The following ZBTB49 variants were observed in gnomAD, a reference collection of about 807,000 sequenced individuals.
ZBTB49 encodes the protein zinc finger and BTB domain-containing protein 49.
Under a neutral mutation model 57.5 loss-of-function variants are expected in ZBTB49, and 43 were observed. The ratio of observed to expected loss-of-function variants is 0.75; its 90% CI spans 0.59 to 0.97. The LOEUF (loss-of-function observed/expected upper bound fraction) is 0.97. Among genes scored for constraint, ZBTB49 ranks in the 50% least tolerant of loss-of-function variants. The probability of loss-of-function intolerance (pLI) is 0.00; values close to 1 mark genes in which losing one functional copy is unlikely to be tolerated. For synonymous variants in ZBTB49, 369 were observed against 362.1 expected (o/e 1.02, Z -0.22); for missense variants, 938 against 947.7 (o/e 0.99, Z 0.13).
At chr4:4,296,507 T>C (rs968075052) in intron 1 of ZBTB49, among the ~76,000 whole-genome samples, 17 of 152,224 alleles carry the variant, frequency 1.1e-4, no homozygotes, top group Admixed American at 1.1e-3. Flanking sequence ...CTGCCATCCA[T>C]GTAGGACATG....
In ZBTB49 at chr4:4,321,422, G is replaced by C; in HGVS notation, c.*106G>C. Reference sequence around the variant, plus strand: ...CATGACAGTGCCTTCTAACTAGCCAGAGAATAGGTAGCTTCCCTCCTGATG... The same window carrying C: ...CATGACAGTGCCTTCTAACTAGCCACAGAATAGGTAGCTTCCCTCCTGATG... On this transcript the variant is annotated 3_prime_UTR_variant, in exon 8 of 8. Coordinates refer to ENST00000337872, the MANE Select transcript of ZBTB49 (RefSeq NM_145291.4). The C allele has an allele frequency of 8.5e-7, 1 of 1,171,152 alleles. No homozygotes were observed. The highest frequency in any genetic ancestry group is 1.2e-6 in the Non-Finnish European group (1 of 828,188). The allele number at this position is 1,171,152 out of a possible 1,614,324, so 72.5% of individuals were successfully genotyped here. A position where few individuals can be genotyped will look rare whatever the true frequency, so the allele number is the denominator to read the frequency against.
rs1055848802 is a variant in ZBTB49, at chr4:4,302,970, C to G, written c.1134C>G (p.Asp378Glu). 5 of 1,614,070 alleles carry G rather than the reference C, an allele frequency of 3.1e-6. No homozygotes were observed. The African/African-American group carries it at 5.3e-5, about 17-fold the overall frequency. Residue 378 changes from aspartate (D) to glutamate (E), a missense_variant, in exon 3 of 8, where the codon GAC becomes GAG. Asp to Glu is a conservative substitution (Grantham distance 45). Coordinates refer to ENST00000337872, the MANE Select transcript of ZBTB49 (RefSeq NM_145291.4). ...TTAGTGAGACGGAGAGGCCTGAAGACCCGGCTGCCCTGGAAGACCAGTCCC... is the reference window on the plus strand; with the variant it reads ...TTAGTGAGACGGAGAGGCCTGAAGAGCCGGCTGCCCTGGAAGACCAGTCCC... ...NCISETERPE[D>E]PAALEDQSQT...
chr4:4,317,166 T>C (rs1394914226), intron 7 of ZBTB49, among the ~76,000 whole-genome samples: 1 of 150,884 alleles, frequency 6.6e-6, no homozygotes, highest in African/African-American at 2.5e-5. Context: ...GACCCTGCAG[T>C]GGAGGAAGTG....
At chr4:4,318,544 G>T (rs907032992) in intron 7 of ZBTB49, among the ~76,000 whole-genome samples, 4 of 152,154 alleles carry the variant, frequency 2.6e-5, no homozygotes, top group Middle Eastern at 3.2e-3. Flanking sequence ...GGAGACGGAG[G>T]TTGCAGTGAG....
chr4:4,293,447 C>T (rs1214639300), intron 1 of ZBTB49, among the ~76,000 whole-genome samples: 4 of 152,194 alleles, frequency 2.6e-5, no homozygotes, highest in South Asian at 2.1e-4. Flanking sequence ...GTTATGAATG[C>T]GGCTTTGGTG....
At chr4:4,306,270 G>GT in intron 4 of ZBTB49, 86 bp downstream of exon 4, 1 of 1,145,100 alleles carries the variant, frequency 8.7e-7, no homozygotes, top group Non-Finnish European at 1.3e-6. Context: ...TTTTGTACTT[G>GT]TGAGAGAAGC....
At chr4:4,307,019 C>T (rs535274483) in intron 4 of ZBTB49, among the ~76,000 whole-genome samples, 1 of 152,368 alleles carries the variant, frequency 6.6e-6, no homozygotes, top group Admixed American at 6.5e-5. Context: ...TCGCATTCCC[C>T]CTAGAGCAGA....
chr4:4,307,474 T>G (rs974011240), intron 4 of ZBTB49, among the ~76,000 whole-genome samples: 9 of 152,224 alleles, frequency 5.9e-5, no homozygotes, highest in Non-Finnish European at 7.3e-5. Context: ...CCCTTCAGTT[T>G]CCTTATCTGT....
chr4:4,292,105 C>T (rs1719968241), intron 1 of ZBTB49, among the ~76,000 whole-genome samples: 1 of 151,720 alleles, frequency 6.6e-6, no homozygotes, highest in African/African-American at 2.4e-5. Flanking sequence ...AGACCCCCAC[C>T]CCTCGTCCTT....
intron 4 of ZBTB49, among the ~76,000 whole-genome samples, chr4:4,308,411 G>C (rs996556209): frequency 1.3e-5 from 2 of 152,106 alleles, no homozygotes; most frequent in Non-Finnish European, 2.9e-5. Context: ...AGCAATTTTG[G>C]TGTGCAGCCA....
Position 4,299,925 on chromosome 4 carries a change from A to G in ZBTB49, c.-19-2A>G. 1.2e-6 allele frequency: 2 copies of G among 1,612,000 alleles called. No homozygotes were observed. Among genetic ancestry groups the G allele is most frequent in the African/African-American group, 1.3e-5 (1 of 74,916 alleles). On this transcript the variant is annotated splice_acceptor_variant, in intron 1 of 7. Coordinates refer to ENST00000337872, the MANE Select transcript of ZBTB49 (RefSeq NM_145291.4). LOFTEE classifies it low-confidence loss of function (5UTR_SPLICE). Reference sequence around the variant, plus strand: ...TGTCGTATCTGTGATTTTTTGCTGTAGGTCACCTGAATGGTTGAGCATGGA... The same window carrying G: ...TGTCGTATCTGTGATTTTTTGCTGTGGGTCACCTGAATGGTTGAGCATGGA...
chr4:4,313,013 G>T (rs778113639), intron 4 of ZBTB49, 28 bp from the exon 5 acceptor site: 1 of 1,612,032 alleles, frequency 6.2e-7, no homozygotes, highest in Non-Finnish European at 8.5e-7. Flanking sequence ...TTCATTATTG[G>T]TGTGTTTTTC....
intron 1 of ZBTB49, among the ~76,000 whole-genome samples, chr4:4,295,244 G>A (rs2108867560): frequency 6.6e-6 from 1 of 152,282 alleles, no homozygotes; most frequent in Non-Finnish European, 1.5e-5. Context: ...TAAAATCATG[G>A]CAGAAGGCGA....
Position 4,303,760 on chromosome 4 carries a change from C to CTGTGTGTGTG in ZBTB49, c.1255+671_1255+680dup, listed in dbSNP as rs1553805028. Among the ~76,000 whole-genome samples the CTGTGTGTGTG allele has an allele frequency of 3.3e-3, 403 of 121,012 alleles. 4 individuals carry two copies. The highest frequency in any genetic ancestry group is 0.017 in the East Asian group (81 of 4,758). 79.4% of individuals were successfully genotyped at this position (121,012 alleles called of 152,430 possible). ...TCTCTCTCTCTCTCTCTCTCTCTCT[C>CTGTGTGTGTG]TGTGTGTGTGTCTCTCTCTCTCTCT... On this transcript the variant is annotated intron_variant, in intron 3 of 7. Transcript: ENST00000337872.
intron 1 of ZBTB49, among the ~76,000 whole-genome samples, chr4:4,297,002 G>C (rs1229246539): frequency 6.6e-6 from 1 of 152,158 alleles, no homozygotes; most frequent in East Asian, 1.9e-4. Context: ...GGGAAATTTG[G>C]AACTGAGAAA....
chr4:4,315,796 A>C lies in ZBTB49; in HGVS notation c.1460-13A>C. 1 of 1,614,114 alleles carries C rather than the reference A, an allele frequency of 6.2e-7. No individual in the cohort carries two copies. Among genetic ancestry groups the C allele is most frequent in the Non-Finnish European group, 8.5e-7 (1 of 1,179,996 alleles). On this transcript the variant is annotated splice_polypyrimidine_tract_variant and intron_variant, in intron 6 of 7. Coordinates refer to ENST00000337872, the MANE Select transcript of ZBTB49 (RefSeq NM_145291.4). The stretch of plus-strand genomic sequence containing the variant: ...TCTGTCCTTCAGCTTAACACCTGTT[A>C]TGGTCTCTCTAGGGTTTAGTAACTT...
chr4:4,321,237 A>C lies in ZBTB49; in HGVS notation c.2219A>C (p.Glu740Ala), dbSNP rs762262938. 6.2e-7 allele frequency: 1 copy of C among 1,614,140 alleles called. No homozygotes were observed. Among genetic ancestry groups the C allele is most frequent in the South Asian group, 1.1e-5 (1 of 91,078 alleles). ...RASSTTYRNS[E>A]GQFFSSMTLW... ...TCTTCCACCACTTATAGGAACTCAG[A>C]GGGTCAGTTTTTCTCCAGCATGACT... The change falls in exon 8 of 8, where the codon GAG becomes GCG. Residue 740 changes from glutamate (E) to alanine (A), a missense_variant. Physicochemically the swap from Glu to Ala is moderately radical, Grantham distance 107 (BLOSUM62 -1). Coordinates refer to ENST00000337872, the MANE Select transcript of ZBTB49 (RefSeq NM_145291.4).
chr4:4,315,103 T>C (rs953831294), intron 5 of ZBTB49, among the ~76,000 whole-genome samples: 5 of 152,246 alleles, frequency 3.3e-5, no homozygotes, highest in African/African-American at 1.2e-4. Context: ...TCCCTGAGAC[T>C]CTGAGCTCCT....
intron 7 of ZBTB49, among the ~76,000 whole-genome samples, chr4:4,320,071 C>G (rs1056883599): frequency 2.0e-5 from 3 of 151,734 alleles, no homozygotes; most frequent in Non-Finnish European, 4.4e-5. Flanking sequence ...GAGACAAACA[C>G]CCGAATACAC....
Sources: gnomAD v4.1 joint callset for allele counts (sites outside exome capture counted in the v4.1 genomes callset) on GRCh38, gnomAD v4.1.1 for gene constraint, MANE v1.5 for transcripts, NCBI Gene and HGNC (gene_info 2026-07-23, HGNC 2026-07-21) for gene names.